Variants in ZDHHC13 observed in about 807,000 individuals in gnomAD.
ZDHHC13 encodes palmitoyltransferase ZDHHC13.
ZDHHC13 carries 85 observed loss-of-function variants against 86.0 expected under a neutral mutation model. That is an observed-to-expected ratio of 0.99 (90% CI 0.83 to 1.18). The LOEUF (loss-of-function observed/expected upper bound fraction) is 1.18, where lower values mean the gene tolerates loss of function less well. Ranked by LOEUF, ZDHHC13 falls within the 50% of genes most tolerant of loss-of-function variation. The pLI is 0.00. For missense variants in ZDHHC13, 711 were observed against 730.2 expected, an observed-to-expected ratio of 0.97 and a Z score of 0.30; for synonymous variants, 263 against 246.4, an observed-to-expected ratio of 1.07 and a Z score of -0.63.
chr11:19,127,942 T>C (rs991023176), intron 1 of ZDHHC13, among the ~76,000 whole-genome samples: 10 of 152,232 alleles, frequency 6.6e-5, no homozygotes, highest in African/African-American at 2.4e-4. Context: ...GGCTCTTTTT[T>C]GGTTCCATAT....
chr11:19,119,348 G>A (rs909301305), intron 1 of ZDHHC13, among the ~76,000 whole-genome samples: 12 of 152,028 alleles, frequency 7.9e-5, no homozygotes, highest in African/African-American at 2.7e-4. Context: ...CTTGTGATCC[G>A]CCCGCCTCGG....
At chr11:19,147,765 C>G in intron 4 of ZDHHC13, 92 bp downstream of exon 4, 1 of 460,366 alleles carries the variant, frequency 2.2e-6, no homozygotes, top group Non-Finnish European at 3.4e-6. Flanking sequence ...GAAAGGCTGT[C>G]TTTTCTTCCC....
In ZDHHC13 at chr11:19,176,142, G is replaced by A; in HGVS notation, c.*182G>A. 4 of 463,444 alleles carry A rather than the reference G, an allele frequency of 8.6e-6. No individual in the cohort carries two copies. The highest frequency in any genetic ancestry group is 1.1e-5 in the Non-Finnish European group (3 of 283,872). 28.7% of individuals were successfully genotyped at this position (463,444 alleles called of 1,614,324 possible). A position where few individuals can be genotyped will look rare whatever the true frequency, so the allele number is the denominator to read the frequency against. ...TACAATTTTTTAGGTTTAGAAAGAT[G>A]GACTTTTCTGATAAATCTTGGCAGA... On this transcript the variant is annotated 3_prime_UTR_variant, in exon 17 of 17. Coordinates refer to ENST00000446113, the MANE Select transcript of ZDHHC13 (RefSeq NM_019028.3).
chr11:19,163,033 G>A (rs1849954645), intron 10 of ZDHHC13, among the ~76,000 whole-genome samples: 1 of 152,140 alleles, frequency 6.6e-6, no homozygotes, highest in Admixed American at 6.6e-5. Context: ...ATTTGGTCTT[G>A]AGTGTCACTT....
At chr11:19,140,929 G>A (rs1256655086) in intron 1 of ZDHHC13, among the ~76,000 whole-genome samples, 1 of 112,832 alleles carries the variant, frequency 8.9e-6, no homozygotes, top group Non-Finnish European at 1.7e-5. Flanking sequence ...GGTGGGGGGA[G>A]GGGGGAGGGA....
intron 13 of ZDHHC13, 75 bp from the exon 14 acceptor site, chr11:19,166,227 G>T: frequency 8.5e-7 from 1 of 1,175,704 alleles, no homozygotes; most frequent in South Asian, 1.4e-5. Context: ...TGACAGGAAA[G>T]TGGTTAAGGA....
chr11:19,130,966 C>G (rs1177573798), intron 1 of ZDHHC13, among the ~76,000 whole-genome samples: 1 of 152,032 alleles, frequency 6.6e-6, no homozygotes, highest in African/African-American at 2.4e-5. Flanking sequence ...CTGCCTCAGC[C>G]TCCCTAGTAG....
intron 6 of ZDHHC13, among the ~76,000 whole-genome samples, chr11:19,150,993 T>C (rs915953342): frequency 2.6e-5 from 4 of 152,100 alleles, no homozygotes; most frequent in Non-Finnish European, 5.9e-5. Flanking sequence ...TCTTTTCTGA[T>C]AGCTTTGGCA....
chr11:19,169,825 A>G (rs765057411), intron 14 of ZDHHC13: 6 of 985,602 alleles, frequency 6.1e-6, no homozygotes, highest in Non-Finnish European at 7.2e-6. Context: ...CTTGCTCTAT[A>G]TTCTTTTCCC....
chr11:19,129,063 A>T (rs1848935216), intron 1 of ZDHHC13, among the ~76,000 whole-genome samples: 1 of 152,212 alleles, frequency 6.6e-6, no homozygotes. Flanking sequence ...TATTTGATGT[A>T]ACCCTCCCAC....
Position 19,150,802 on chromosome 11 carries a change from T to A in ZDHHC13, c.584+11T>A, listed in dbSNP as rs1346140570. 4.4e-6 allele frequency: 7 copies of A among 1,606,340 alleles called. 1 individual carries two copies. The South Asian group carries it at 7.8e-5, about 18-fold the overall frequency. On this transcript the variant is annotated intron_variant, in intron 6 of 16. Coordinates refer to ENST00000446113, the MANE Select transcript of ZDHHC13 (RefSeq NM_019028.3). ...TCACAAAGTAATTGGGTGAGTTTAATTTAGTCCACTCAATCTCATTCTTGG... is the reference window on the plus strand; with the variant it reads ...TCACAAAGTAATTGGGTGAGTTTAAATTAGTCCACTCAATCTCATTCTTGG...
In ZDHHC13 at chr11:19,117,214, G is replaced by T; in HGVS notation, c.-36G>T. 1.3e-6 allele frequency: 2 copies of T among 1,530,550 alleles called. No homozygotes were observed. The highest frequency in any genetic ancestry group is 1.8e-6 in the Non-Finnish European group (2 of 1,141,870). The allele number at this position is 1,530,550 out of a possible 1,614,324, so 94.8% of individuals were successfully genotyped here. A position where few individuals can be genotyped will look rare whatever the true frequency, so the allele number is the denominator to read the frequency against. On this transcript the variant is annotated 5_prime_UTR_variant, in exon 1 of 17. Coordinates refer to ENST00000446113, the MANE Select transcript of ZDHHC13 (RefSeq NM_019028.3). The surrounding 1 kb of genome is among the most constrained non-coding windows in gnomAD (Gnocchi z 4.2). The stretch of plus-strand genomic sequence containing the variant: ...GGCGGGCTGGCGGCAGTCGCTACTT[G>T]CCTAGTAGCCTCAGCCGCTGTGGGC...
At chr11:19,145,972 A>C (rs181510577) in intron 2 of ZDHHC13, among the ~76,000 whole-genome samples, 7 of 152,308 alleles carry the variant, frequency 4.6e-5, no homozygotes, top group South Asian at 2.1e-4. Flanking sequence ...AACTCCAAAG[A>C]GATTAATCTG....
intron 1 of ZDHHC13, among the ~76,000 whole-genome samples, chr11:19,140,945 T>C (rs948251088): frequency 4.0e-4 from 59 of 148,106 alleles, no homozygotes; most frequent in Non-Finnish European, 6.7e-4. Context: ...AGGGATAGCA[T>C]TGGGAGATAT....
Position 19,152,427 on chromosome 11 carries a change from G to C in ZDHHC13, c.747+107G>C, listed in dbSNP as rs954277879. 7 of 1,446,122 alleles carry C rather than the reference G, an allele frequency of 4.8e-6. No individual in the cohort carries two copies. In the African/African-American group the frequency reaches 7.2e-5, roughly 15 times the overall value. The allele number at this position is 1,446,122 out of a possible 1,614,324, so 89.6% of individuals were successfully genotyped here. A position where few individuals can be genotyped will look rare whatever the true frequency, so the allele number is the denominator to read the frequency against. On this transcript the variant is annotated intron_variant, in intron 7 of 16. Coordinates refer to ENST00000446113, the MANE Select transcript of ZDHHC13 (RefSeq NM_019028.3). The stretch of plus-strand genomic sequence containing the variant: ...AATTGTTTTCAGTTACCCCAAGATA[G>C]ATATAAATGATAATAGCTGGCTATC...
intron 1 of ZDHHC13, among the ~76,000 whole-genome samples, chr11:19,134,146 T>G (rs1460238670): frequency 6.6e-6 from 1 of 151,932 alleles, no homozygotes; most frequent in Non-Finnish European, 1.5e-5. Context: ...TCTGATACAT[T>G]TATTTAAAAA....
At chr11:19,145,653 C>G (rs1849443616) in intron 2 of ZDHHC13, among the ~76,000 whole-genome samples, 1 of 152,238 alleles carries the variant, frequency 6.6e-6, no homozygotes, top group Admixed American at 6.5e-5. Flanking sequence ...GCTGCTTCCT[C>G]TGCCTGAAAT....
At chr11:19,163,069 A>G (rs1368663521) in intron 10 of ZDHHC13, among the ~76,000 whole-genome samples, 1 of 152,126 alleles carries the variant, frequency 6.6e-6, no homozygotes, top group Non-Finnish European at 1.5e-5. Flanking sequence ...ATAAGTTGCA[A>G]CTATTCCTAT....
chr11:19,153,854 T>TTCC (rs1450276187), intron 8 of ZDHHC13, among the ~76,000 whole-genome samples: 1 of 150,450 alleles, frequency 6.6e-6, no homozygotes, highest in Non-Finnish European at 1.5e-5. Flanking sequence ...TTCCTCTGTC[T>TTCC]TCGCCTTTTT....
Sources: allele counts gnomAD v4.1 joint callset (sites outside exome capture counted in the v4.1 genomes callset), GRCh38; gene constraint gnomAD v4.1.1; non-coding constraint Gnocchi (gnomAD v3.1); transcripts MANE v1.5; gene names NCBI Gene and HGNC (gene_info 2026-07-23, HGNC 2026-07-21).